Variants in ERC1 observed in about 807,000 individuals in gnomAD.
The protein encoded by ERC1 is RAB6 interacting protein 2.
A neutral mutation model predicts 132.0 loss-of-function variants in ERC1; 56 were observed. The observed-to-expected ratio is 0.42, with a 90% CI of 0.34 to 0.53. ERC1 has a LOEUF of 0.53. Among genes scored for constraint, ERC1 ranks in the 20% least tolerant of loss-of-function variants. The pLI is 0.03. For missense variants in ERC1, 1,202 were observed against 1,349.9 expected, an observed-to-expected ratio of 0.89 and a Z score of 1.72; for synonymous variants, 478 against 476.1, an observed-to-expected ratio of 1.00 and a Z score of -0.05.
In ERC1 at chr12:1,493,548, A is replaced by AAAAAAAATATATAT. The variant is rs56939346; in HGVS notation, c.*3319_*3320insAAAAAATATATATA. 1.5e-4 allele frequency: 2 copies of AAAAAAAATATATAT among 13,618 alleles called. No individual in the cohort carries two copies. Among genetic ancestry groups the AAAAAAAATATATAT allele is most frequent in the Non-Finnish European group, 2.9e-4 (2 of 6,820 alleles). The allele number at this position is 13,618 out of a possible 1,614,324, so 0.8% of individuals were successfully genotyped here. ...ACTCCATTTAAAAAAAAAAAAAAAA[A>AAAAAAAATATATAT]ATATATATATATATATATATATATA... On this transcript the variant is annotated 3_prime_UTR_variant, in exon 19 of 19. Coordinates refer to ENST00000360905, the MANE Select transcript of ERC1 (RefSeq NM_178040.4).
intron 9 of ERC1, 55 bp from the exon 10 acceptor site, chr12:1,181,870 A>T: frequency 6.5e-7 from 1 of 1,536,480 alleles, no homozygotes; most frequent in East Asian, 2.3e-5. Flanking sequence ...GCAGAATTAC[A>T]GTCATATAAG....
At chr12:1,280,849 C>T (rs943369090) in intron 14 of ERC1, among the ~76,000 whole-genome samples, 2 of 152,174 alleles carry the variant, frequency 1.3e-5, no homozygotes, top group African/African-American at 2.4e-5. Context: ...TACTTTTCTC[C>T]CTTGGCTAAT....
rs7954345 is a variant in ERC1, at chr12:1,333,398, C to T, written c.2781-38435C>T. ...GCCAGGCTGGAGTGCAGTGGCGCGACGTCGGCTCACTGCAATCTCTGCCTC... is the reference window on the plus strand; with the variant it reads ...GCCAGGCTGGAGTGCAGTGGCGCGATGTCGGCTCACTGCAATCTCTGCCTC... On this transcript the variant is annotated intron_variant, in intron 15 of 18. Coordinates refer to ENST00000360905, the MANE Select transcript of ERC1 (RefSeq NM_178040.4). Among the ~76,000 whole-genome samples, 1,027 of 144,364 alleles carry T rather than the reference C, an allele frequency of 7.1e-3. 4 individuals carry two copies. The highest frequency in any genetic ancestry group is 0.022 in the African/African-American group (862 of 38,558). The allele number at this position is 144,364 out of a possible 152,430, so 94.7% of individuals were successfully genotyped here.
chr12:1,309,714 CTTTTT>C (rs201086756), intron 15 of ERC1, among the ~76,000 whole-genome samples: 1 of 135,296 alleles, frequency 7.4e-6, no homozygotes. Flanking sequence ...TGCACTCTGA[CTTTTT>C]TTTTTTTTTT....
At chr12:1,179,556 G>A (rs1290856832) in intron 8 of ERC1, among the ~76,000 whole-genome samples, 2 of 133,442 alleles carry the variant, frequency 1.5e-5, no homozygotes, top group East Asian at 2.2e-4. Context: ...CGCCCAGGCT[G>A]GAGTGCAGTG....
intron 1 of ERC1, among the ~76,000 whole-genome samples, chr12:992,538 CTT>C (rs911791776): frequency 2.0e-4 from 30 of 151,362 alleles, no homozygotes; most frequent in African/African-American, 2.9e-4. Context: ...AAATGGAACT[CTT>C]TTTTTTTGGT....
At chr12:1,011,155 A>T (rs1964620334) in intron 1 of ERC1, among the ~76,000 whole-genome samples, 1 of 152,202 alleles carries the variant, frequency 6.6e-6, no homozygotes, top group Admixed American at 6.5e-5. Context: ...CCCTGGAATT[A>T]CAGTGGCTCT....
chr12:1,140,316 C>T (rs1949746086), intron 7 of ERC1, among the ~76,000 whole-genome samples: 1 of 152,114 alleles, frequency 6.6e-6, no homozygotes, highest in Non-Finnish European at 1.5e-5. Flanking sequence ...TCTCAGATAC[C>T]TTGTAGTTTA....
chr12:1,150,078 A>C (rs977177462), intron 8 of ERC1, among the ~76,000 whole-genome samples: 1 of 152,216 alleles, frequency 6.6e-6, no homozygotes, highest in Non-Finnish European at 1.5e-5. Context: ...CTTACATTGC[A>C]AAGCATTCTG....
intron 13 of ERC1, among the ~76,000 whole-genome samples, chr12:1,256,295 C>CT (rs2076809865): frequency 7.2e-6 from 1 of 138,788 alleles, no homozygotes; most frequent in Admixed American, 7.1e-5. Context: ...TTTTTTATAA[C>CT]TTTTTCCCTT....
chr12:1,279,674 A>G (rs1452882983), intron 14 of ERC1, among the ~76,000 whole-genome samples: 1 of 131,026 alleles, frequency 7.6e-6, no homozygotes, highest in Non-Finnish European at 1.7e-5. Flanking sequence ...TTTTTTTTTA[A>G]TTTTATTTTA....
At chr12:1,304,806 T>G (rs1253881655) in intron 15 of ERC1, among the ~76,000 whole-genome samples, 9 of 135,096 alleles carry the variant, frequency 6.7e-5, no homozygotes, top group Non-Finnish European at 1.2e-4. Flanking sequence ...TTTTTTTTTT[T>G]TGAGACGGAG....
chr12:1,160,304 A>G (rs549688767), intron 8 of ERC1, among the ~76,000 whole-genome samples: 1 of 152,372 alleles, frequency 6.6e-6, no homozygotes, highest in African/African-American at 2.4e-5. Flanking sequence ...TGATATATCC[A>G]TCACAACAAT....
At chr12:1,094,347 CTT>C (rs1390956495) in intron 3 of ERC1, among the ~76,000 whole-genome samples, 3 of 151,106 alleles carry the variant, frequency 2.0e-5, no homozygotes, top group Non-Finnish European at 3.0e-5. Flanking sequence ...CTTAGTTTGT[CTT>C]TTGTAGCAAT....
intron 14 of ERC1, among the ~76,000 whole-genome samples, chr12:1,270,616 T>C (rs2077771817): frequency 1.3e-5 from 2 of 151,992 alleles, no homozygotes; most frequent in South Asian, 4.1e-4. Context: ...ATAAGATACA[T>C]TTTAATTAAA....
chr12:1,356,385 A>C (rs1190578322), intron 15 of ERC1, among the ~76,000 whole-genome samples: 1 of 152,122 alleles, frequency 6.6e-6, no homozygotes, highest in Non-Finnish European at 1.5e-5. Context: ...TAAAACTTAA[A>C]AAATTGAGTT....
chr12:1,104,075 G>A lies in ERC1; in HGVS notation c.1087-675G>A, dbSNP rs141435748. On this transcript the variant is annotated intron_variant, in intron 3 of 18. Transcript: ENST00000360905. ...CTGAAGTGGTTTGGTAACCTGGAAG[G>A]CTCTGATATCCCTTCCTTCCTTTTC... Among the ~76,000 whole-genome samples, 508 of 151,582 alleles carry A rather than the reference G, an allele frequency of 3.4e-3. 4 individuals are homozygous for A. Among genetic ancestry groups the A allele is most frequent in the African/African-American group, 0.012 (477 of 41,276 alleles).
intron 15 of ERC1, among the ~76,000 whole-genome samples, chr12:1,348,852 T>C (rs1050658561): frequency 9.2e-5 from 14 of 152,348 alleles, no homozygotes; most frequent in African/African-American, 3.1e-4. Flanking sequence ...CTCTGTTTTA[T>C]GATTCACTGG....
chr12:1,282,305 C>T (rs1012444608), intron 14 of ERC1, among the ~76,000 whole-genome samples: 1 of 152,220 alleles, frequency 6.6e-6, no homozygotes, highest in Middle Eastern at 3.4e-3. Flanking sequence ...ACCCACTAAC[C>T]CTGTTTCTTT....
Sources: allele counts gnomAD v4.1 joint callset (sites outside exome capture counted in the v4.1 genomes callset), GRCh38; gene constraint gnomAD v4.1.1; transcripts MANE v1.5; gene names NCBI Gene and HGNC (gene_info 2026-07-23, HGNC 2026-07-21).